Variants in CNTNAP2 observed in about 807,000 individuals in gnomAD.
CNTNAP2 encodes contactin associated protein 2.
In CNTNAP2, 98 loss-of-function variants were observed where a neutral mutation model predicts 155.2. That is an observed-to-expected ratio of 0.63 (90% CI 0.54 to 0.75). The LOEUF is 0.75. CNTNAP2 is among the 30% of genes least tolerant of loss of function. The pLI is 0.00. For missense variants in CNTNAP2, 1,727 were observed against 1,688.1 expected, an observed-to-expected ratio of 1.02 and a Z score of -0.40; for synonymous variants, 651 against 631.2, an observed-to-expected ratio of 1.03 and a Z score of -0.47.
intron 15 of CNTNAP2, among the ~76,000 whole-genome samples, chr7:148,048,760 C>A (rs896605691): frequency 2.0e-5 from 3 of 152,146 alleles, no homozygotes; most frequent in African/African-American, 7.2e-5. Flanking sequence ...TGGCCAATGG[C>A]TGGAGCTGGT....
At chr7:147,659,182 T>C (rs1795576547) in intron 13 of CNTNAP2, among the ~76,000 whole-genome samples, 1 of 152,230 alleles carries the variant, frequency 6.6e-6, no homozygotes, top group Non-Finnish European at 1.5e-5. Context: ...TCTATAAAAC[T>C]AAATCCTCAA....
intron 2 of CNTNAP2, among the ~76,000 whole-genome samples, chr7:146,810,447 A>G (rs932545631): frequency 6.6e-6 from 1 of 151,634 alleles, no homozygotes; most frequent in African/African-American, 2.4e-5. Flanking sequence ...TTTAGATGCT[A>G]TTATCATGGG....
chr7:148,012,572 A>C (rs1386012215), intron 15 of CNTNAP2, among the ~76,000 whole-genome samples: 3 of 151,620 alleles, frequency 2.0e-5, no homozygotes, highest in Non-Finnish European at 4.4e-5. Context: ...TTTTTACCAC[A>C]ATAAAAAAAT....
intron 11 of CNTNAP2, among the ~76,000 whole-genome samples, chr7:147,506,520 G>C (rs1244774271): frequency 6.6e-6 from 1 of 152,200 alleles, no homozygotes; most frequent in African/African-American, 2.4e-5. Flanking sequence ...CTCCCAAAAT[G>C]CTGGGATTAC....
intron 18 of CNTNAP2, among the ~76,000 whole-genome samples, chr7:148,209,121 C>G (rs1333460717): frequency 6.6e-6 from 1 of 152,022 alleles, no homozygotes; most frequent in Non-Finnish European, 1.5e-5. Context: ...TTGACCTGTT[C>G]AAAGCTGAAC....
intron 3 of CNTNAP2, among the ~76,000 whole-genome samples, chr7:146,875,912 A>G (rs1161589937): frequency 3.1e-5 from 4 of 128,710 alleles, no homozygotes; most frequent in Non-Finnish European, 3.2e-5. Flanking sequence ...ACACGCACAC[A>G]CACACACACA....
chr7:147,367,948 A>G (rs1796263837), intron 9 of CNTNAP2, among the ~76,000 whole-genome samples: 1 of 151,820 alleles, frequency 6.6e-6, no homozygotes, highest in East Asian at 1.9e-4. Flanking sequence ...TTGATCTCAC[A>G]TAGCCACATA....
Position 147,199,386 on chromosome 7 carries a change from A to G in CNTNAP2, c.1348+66877A>G, listed in dbSNP as rs1462736969. Among the ~76,000 whole-genome samples, 6 of 152,238 alleles carry G rather than the reference A, an allele frequency of 3.9e-5. No homozygotes were observed. The South Asian group carries it at 1.2e-3, about 31-fold the overall frequency. ...TCACAGCAAGATGCCCTATGAAAAT[A>G]AATTCAACTTAAGTGATAGATATTA... On this transcript the variant is annotated intron_variant, in intron 8 of 23. Transcript: ENST00000361727.
At chr7:146,291,075 A>G (rs1800421216) in intron 1 of CNTNAP2, among the ~76,000 whole-genome samples, 1 of 152,240 alleles carries the variant, frequency 6.6e-6, no homozygotes, top group Non-Finnish European at 1.5e-5. Flanking sequence ...AGTTACATCA[A>G]TTTGAATCTA....
intron 10 of CNTNAP2, among the ~76,000 whole-genome samples, chr7:147,405,983 C>A (rs826655): frequency 1.3e-5 from 2 of 152,024 alleles, no homozygotes; most frequent in South Asian, 4.1e-4. Flanking sequence ...CCTCTAACAA[C>A]GAGTCATTGA....
chr7:146,163,172 A>C (rs1798251845), intron 1 of CNTNAP2, among the ~76,000 whole-genome samples: 1 of 152,164 alleles, frequency 6.6e-6, no homozygotes, highest in Non-Finnish European at 1.5e-5. Context: ...AAAAATTAAA[A>C]ATAAAAATAA....
chr7:147,445,741 C>A (rs1029230075), intron 10 of CNTNAP2, among the ~76,000 whole-genome samples: 4 of 152,086 alleles, frequency 2.6e-5, no homozygotes, highest in Admixed American at 2.6e-4. Context: ...TGAGAAGCTG[C>A]ATTAGTCTAT....
chr7:147,543,089 G>T (rs1188047380), intron 11 of CNTNAP2, among the ~76,000 whole-genome samples: 6 of 152,218 alleles, frequency 3.9e-5, no homozygotes, highest in Non-Finnish European at 8.8e-5. Context: ...AGAGCTGAGA[G>T]CCCCGAACAG....
intron 8 of CNTNAP2, among the ~76,000 whole-genome samples, chr7:147,279,374 A>G (rs1804976125): frequency 2.0e-5 from 3 of 151,776 alleles, no homozygotes; most frequent in Admixed American, 2.0e-4. Flanking sequence ...TGAATTCATT[A>G]TTTCTCATAA....
chr7:147,289,029 T>TTCCC (rs548437853), intron 8 of CNTNAP2, among the ~76,000 whole-genome samples: 193 of 152,314 alleles, frequency 1.3e-3, no homozygotes, highest in Non-Finnish European at 1.5e-3. Flanking sequence ...GAATCATGAT[T>TTCCC]TCCTCTATAA....
At chr7:146,324,185 C>G (rs1801055567) in intron 1 of CNTNAP2, among the ~76,000 whole-genome samples, 1 of 152,052 alleles carries the variant, frequency 6.6e-6, no homozygotes, top group Non-Finnish European at 1.5e-5. Flanking sequence ...TTGCTTGAAC[C>G]CAGGAGGGGG....
At chr7:148,038,526 C>CT (rs1343113583) in intron 15 of CNTNAP2, among the ~76,000 whole-genome samples, 1 of 152,018 alleles carries the variant, frequency 6.6e-6, no homozygotes, top group Non-Finnish European at 1.5e-5. Flanking sequence ...TCAGTCACAC[C>CT]TTTTTTGCCA....
At chr7:146,697,242 TA>T (rs1323187116) in intron 1 of CNTNAP2, among the ~76,000 whole-genome samples, 22 of 139,118 alleles carry the variant, frequency 1.6e-4, no homozygotes, top group African/African-American at 6.6e-4. Context: ...TTTATTTATT[TA>T]TTTATTTATT....
At chr7:148,262,326 CTG>C (rs1380394817) in intron 20 of CNTNAP2, among the ~76,000 whole-genome samples, 1 of 152,176 alleles carries the variant, frequency 6.6e-6, no homozygotes, top group East Asian at 1.9e-4. Flanking sequence ...TGTACAAGGT[CTG>C]TTATTTTTTA....
Sources: allele counts gnomAD v4.1 joint callset (sites outside exome capture counted in the v4.1 genomes callset), GRCh38; gene constraint gnomAD v4.1.1; transcripts MANE v1.5; gene names NCBI Gene and HGNC (gene_info 2026-07-23, HGNC 2026-07-21).